TAMM41: variants seen among roughly 807,000 people sequenced by gnomAD.
TAMM41 encodes phosphatidate cytidylyltransferase, mitochondrial.
Under a neutral mutation model 44.1 loss-of-function variants are expected in TAMM41, and 36 were observed. That is an observed-to-expected ratio of 0.82 (90% CI 0.63 to 1.08). The LOEUF is 1.08. Among genes scored for constraint, TAMM41 ranks in the 50% least tolerant of loss-of-function variants. The probability of loss-of-function intolerance (pLI) is 0.00; values close to 1 mark genes in which losing one functional copy is unlikely to be tolerated. For synonymous variants in TAMM41, 164 were observed against 153.1 expected (o/e 1.07, Z -0.53); for missense variants, 417 against 404.3 (o/e 1.03, Z -0.27).
At chr3:11,791,155 C>A (rs1226575637) in intron 7 of TAMM41, among the ~76,000 whole-genome samples, 2 of 152,222 alleles carry the variant, frequency 1.3e-5, no homozygotes, top group African/African-American at 4.8e-5. Context: ...TTCACCCACG[C>A]CTCTGCCTGG....
Position 11,844,151 on chromosome 3 carries a change from G to A in TAMM41, c.196C>T (p.Leu66=). The change falls in exon 2 of 8, where the codon CTG becomes TTG. Residue 66 remains leucine (L), a synonymous_variant. Transcript: ENST00000455809. The part of the protein sequence containing the change: ...DDPVAWHSKN[L]KKNWSHYSFL... ...GAGTAGTGACTCCAATTTTTCTTCA[G>A]GTTCTTTGAATGCCATGCGACAGGG... The A allele has an allele frequency of 6.2e-7, 1 of 1,614,174 alleles. No individual in the cohort carries two copies. Among genetic ancestry groups the A allele is most frequent in the Admixed American group, 1.7e-5 (1 of 60,016 alleles).
chr3:11,735,761 T>C, the TAMM41 span, among the ~76,000 whole-genome samples: 116 of 152,198 alleles, frequency 7.6e-4, 1 homozygote, highest in African/African-American at 2.6e-3. Context: ...TAAGGCAACA[T>C]TTGAGCAGGA....
chr3:11,832,971 G>A (rs2079040727), intron 3 of TAMM41: 1 of 1,019,288 alleles, frequency 9.8e-7, no homozygotes, highest in Non-Finnish European at 1.2e-6. Context: ...TGCTATTTAA[G>A]ATTAAGAGGA....
the TAMM41 span, among the ~76,000 whole-genome samples, chr3:11,767,400 A>G: frequency 2.6e-5 from 4 of 152,008 alleles, no homozygotes; most frequent in Non-Finnish European, 4.4e-5. Flanking sequence ...CTATCTTGCT[A>G]TTATGAATGA....
At chr3:11,763,409 T>G in the TAMM41 span, among the ~76,000 whole-genome samples, 1 of 152,242 alleles carries the variant, frequency 6.6e-6, no homozygotes, top group African/African-American at 2.4e-5. Flanking sequence ...CCCAAAGTGC[T>G]GGGATTACAG....
intron 3 of TAMM41, among the ~76,000 whole-genome samples, chr3:11,835,674 T>C (rs2079144591): frequency 6.6e-6 from 1 of 152,180 alleles, no homozygotes. Context: ...TAAAGTATAA[T>C]ACAAAGAACA....
the TAMM41 span, among the ~76,000 whole-genome samples, chr3:11,744,137 G>A: frequency 3.3e-5 from 5 of 151,530 alleles, no homozygotes; most frequent in Admixed American, 6.6e-5. Flanking sequence ...GTGTGATCTC[G>A]GCTCACTGCA....
the TAMM41 span, among the ~76,000 whole-genome samples, chr3:11,738,625 C>T: frequency 6.6e-6 from 1 of 152,176 alleles, no homozygotes; most frequent in Admixed American, 6.6e-5. Context: ...GGTTTATACT[C>T]TGTAGACAAT....
chr3:11,764,493 T>C, the TAMM41 span, among the ~76,000 whole-genome samples: 1 of 121,014 alleles, frequency 8.3e-6, no homozygotes, highest in African/African-American at 3.4e-5. Flanking sequence ...ATTCTTTTTT[T>C]TTTTTTTTTT....
intron 2 of TAMM41, among the ~76,000 whole-genome samples, chr3:11,841,609 T>G (rs868632867): frequency 6.6e-6 from 1 of 152,214 alleles, no homozygotes; most frequent in East Asian, 1.9e-4. Flanking sequence ...ACTTATAATA[T>G]TCTTTGAAAA....
At position 11,790,522 on chromosome 3, in the gene TAMM41, G is replaced by T; in HGVS notation, c.997C>A (p.Leu333Met). 6.2e-7 allele frequency: 1 copy of T among 1,614,038 alleles called. No individual in the cohort carries two copies. The highest frequency in any genetic ancestry group is 8.5e-7 in the Non-Finnish European group (1 of 1,179,954). ...AAGCAAAATCAGGATGTTTTCCTCA[G>T]CCACCCTTTCCACATTTTGTGCAGT... ...LKLHKMWKGW[L>M]RKTS The change falls in exon 8 of 8, where the codon CTG becomes ATG. Residue 333 changes from leucine to methionine, a missense_variant. Transcript: ENST00000455809.
chr3:11,728,021 A>G, the TAMM41 span, among the ~76,000 whole-genome samples: 2 of 152,024 alleles, frequency 1.3e-5, no homozygotes, highest in Non-Finnish European at 2.9e-5. Flanking sequence ...TCCCAACCTC[A>G]GGTGATCCGC....
intron 4 of TAMM41, among the ~76,000 whole-genome samples, chr3:11,823,295 GC>G (rs1428135887): frequency 7.7e-6 from 1 of 129,314 alleles, no homozygotes; most frequent in African/African-American, 2.9e-5. Context: ...CTGCTCTGTT[GC>G]CCAGGCTGGA....
intron 7 of TAMM41, among the ~76,000 whole-genome samples, chr3:11,803,715 T>C (rs2077821807): frequency 1.3e-5 from 2 of 152,122 alleles, no homozygotes; most frequent in African/African-American, 2.4e-5. Flanking sequence ...AATGTGTATA[T>C]ATCTACATCT....
chr3:11,805,345 C>T (rs539852049), intron 7 of TAMM41, among the ~76,000 whole-genome samples: 8 of 152,122 alleles, frequency 5.3e-5, no homozygotes, highest in Non-Finnish European at 7.4e-5. Context: ...CCATGTTGCC[C>T]AGGCTGATCT....
the TAMM41 span, among the ~76,000 whole-genome samples, chr3:11,770,708 G>A: frequency 6.6e-6 from 1 of 152,182 alleles, no homozygotes; most frequent in East Asian, 1.9e-4. Flanking sequence ...GGTGTGTTGG[G>A]CGTGAACAGA....
downstream of TAMM41, among the ~76,000 whole-genome samples, chr3:11,789,241 C>T (rs569658615): frequency 2.0e-5 from 3 of 152,314 alleles, no homozygotes; most frequent in African/African-American, 7.2e-5. Flanking sequence ...AATCTGAAGT[C>T]TGCACTCTTC....
the TAMM41 span, among the ~76,000 whole-genome samples, chr3:11,742,822 C>T: frequency 1.3e-5 from 2 of 151,940 alleles, no homozygotes; most frequent in Admixed American, 6.6e-5. Flanking sequence ...TCTCGAACTC[C>T]AGGACTCAAG....
chr3:11,842,983 C>G (rs2079519031), intron 2 of TAMM41, among the ~76,000 whole-genome samples: 1 of 152,216 alleles, frequency 6.6e-6, no homozygotes, highest in African/African-American at 2.4e-5. Flanking sequence ...AGCTGAAAGA[C>G]AGTTCAGCAA....
Sources: allele counts gnomAD v4.1 joint callset (sites outside exome capture counted in the v4.1 genomes callset), GRCh38; gene constraint gnomAD v4.1.1; transcripts MANE v1.5; gene names NCBI Gene and HGNC (gene_info 2026-07-23, HGNC 2026-07-21).